ZNF510: variants seen among roughly 807,000 people sequenced by gnomAD.
ZNF510 encodes zinc finger protein 510.
In ZNF510, 15 loss-of-function variants were observed where a neutral mutation model predicts 18.1. The ratio of observed to expected loss-of-function variants is 0.83; its 90% CI spans 0.55 to 1.28. The LOEUF (loss-of-function observed/expected upper bound fraction) is 1.28. Among genes scored for constraint, ZNF510 ranks in the 50% most tolerant of loss-of-function variants. The pLI is 0.00. For synonymous variants in ZNF510, 261 were observed against 266.4 expected, an observed-to-expected ratio of 0.98 and a Z score of 0.20; for missense variants, 724 against 791.8, an observed-to-expected ratio of 0.91 and a Z score of 1.03.
At position 96,767,685 on chromosome 9, in the gene ZNF510, G is replaced by A. The variant is rs1451603835; in HGVS notation, c.130-4053C>T. ...ACCAAAATGGACTCAAAAAGAAACA[G>A]AACATCCGAACAGACTGATATAAGA... On this transcript the variant is annotated intron_variant, in intron 3 of 5. Transcript: ENST00000223428. Among the ~76,000 whole-genome samples the A allele has an allele frequency of 2.6e-5, 4 of 152,152 alleles. No homozygotes were observed. The East Asian group carries it at 7.7e-4, about 29-fold the overall frequency.
chr9:96,764,047 T>C (rs575636558), intron 3 of ZNF510, among the ~76,000 whole-genome samples: 10 of 152,312 alleles, frequency 6.6e-5, no homozygotes, highest in African/African-American at 2.4e-4. Context: ...CAATGAGCCA[T>C]GATCACACCA....
At chr9:96,774,932 G>A (rs373330602) in intron 2 of ZNF510, 86 bp from the exon 3 acceptor site, 1 of 1,152,166 alleles carries the variant, frequency 8.7e-7, no homozygotes, top group Admixed American at 2.0e-5. Flanking sequence ...TGGGGAAAAA[G>A]GCCTCTCTAC....
At chr9:96,775,045 CTGTG>C (rs1235752880) in intron 2 of ZNF510, among the ~76,000 whole-genome samples, 199 bp from the exon 3 acceptor site, 1 of 149,510 alleles carries the variant, frequency 6.7e-6, no homozygotes, top group East Asian at 2.0e-4. Flanking sequence ...TGAACCCTTG[CTGTG>C]TGTGTGTGTT....
rs372471127 is a variant in ZNF510, at chr9:96,770,388, G to A, written c.129+4400C>T. On this transcript the variant is annotated intron_variant, in intron 3 of 5. Coordinates refer to ENST00000223428, the MANE Select transcript of ZNF510 (RefSeq NM_014930.3). ...GCGGATCATCTGAGGTCAGGCGCTCGAGACCAGCCTGGCCAACATGGTGAC... is the reference window on the plus strand; with the variant it reads ...GCGGATCATCTGAGGTCAGGCGCTCAAGACCAGCCTGGCCAACATGGTGAC... Among the ~76,000 whole-genome samples the A allele has an allele frequency of 2.9e-4, 43 of 150,562 alleles. No individual in the cohort carries two copies. In the South Asian group the frequency reaches 5.9e-3, roughly 21 times the overall value.
At position 96,755,110 on chromosome 9, in the gene ZNF510, T is replaced by C. The variant is rs1198073900; in HGVS notation, c.*3668A>G. On this transcript the variant is annotated 3_prime_UTR_variant, in exon 6 of 6. Transcript: ENST00000223428. ...CCGCCCTCTGCTAAGGGACAGCAGGTGAAGCCTGAGTCCCCAGTCATGGGG... is the reference window on the plus strand; with the variant it reads ...CCGCCCTCTGCTAAGGGACAGCAGGCGAAGCCTGAGTCCCCAGTCATGGGG... 6.6e-6 allele frequency among the ~76,000 whole-genome samples: 1 copy of C among 152,208 alleles called. No homozygotes were observed. The highest frequency in any genetic ancestry group is 1.9e-4 in the East Asian group (1 of 5,182).
intron 3 of ZNF510, among the ~76,000 whole-genome samples, chr9:96,770,774 T>C (rs112978969): frequency 0.059 from 8,998 of 152,152 alleles, 867 homozygotes; most frequent in African/African-American, 0.2. Context: ...CTAAATGATA[T>C]GGAATTTCCT....
At chr9:96,775,307 G>A (rs1257296876) in intron 2 of ZNF510, among the ~76,000 whole-genome samples, 2 of 152,174 alleles carry the variant, frequency 1.3e-5, no homozygotes, top group South Asian at 2.1e-4. Flanking sequence ...CAATCTGCCC[G>A]CCTTGGCCTC....
intron 1 of ZNF510, among the ~76,000 whole-genome samples, chr9:96,776,736 G>GA (rs898183868): frequency 6.6e-6 from 1 of 152,162 alleles, no homozygotes; most frequent in Non-Finnish European, 1.5e-5. Context: ...AGTGAGCCAA[G>GA]ATCACACCAC....
chr9:96,760,367 CTT>C lies in ZNF510; in HGVS notation c.461_462del (p.Lys154SerfsTer34). 1 of 1,613,832 alleles carries C rather than the reference CTT, an allele frequency of 6.2e-7. No homozygotes were observed. Among genetic ancestry groups the C allele is most frequent in the Non-Finnish European group, 8.5e-7 (1 of 1,179,876 alleles). ...NNKTLTTEEE[K>X]VLGKPFTLHV... ...TGCAGAGTAAATGGTTTCCCCAAAA[CTT>C]TCTCTTCCTCTGTAGTCAATGTTTT... On this transcript the variant is annotated frameshift_variant, in exon 6 of 6. Transcript: ENST00000223428. LOFTEE classifies it low-confidence loss of function (END_TRUNC).
chr9:96,771,432 T>A (rs80322443), intron 3 of ZNF510, among the ~76,000 whole-genome samples: 8,515 of 141,522 alleles, frequency 0.06, 828 homozygotes, highest in African/African-American at 0.2. Context: ...CATGCATGAT[T>A]AAAAAAAAAA....
chr9:96,774,497 G>C (rs1237563549), intron 3 of ZNF510, among the ~76,000 whole-genome samples: 5 of 152,140 alleles, frequency 3.3e-5, no homozygotes, highest in African/African-American at 1.2e-4. Context: ...ATTCCATGAG[G>C]AATCAGCCTG....
Position 96,754,903 on chromosome 9 carries a change from A to G in ZNF510, c.*3875T>C, listed in dbSNP as rs192820322. Among the ~76,000 whole-genome samples the G allele has an allele frequency of 6.6e-6, 1 of 152,324 alleles. No homozygotes were observed. Among genetic ancestry groups the G allele is most frequent in the Non-Finnish European group, 1.5e-5 (1 of 68,016 alleles). Reference sequence around the variant, plus strand: ...TATCTTTATTAGCTTGAAGGCCCTTAGTGGGTGGGCAGACAGAAAATCAGC... The same window carrying G: ...TATCTTTATTAGCTTGAAGGCCCTTGGTGGGTGGGCAGACAGAAAATCAGC... On this transcript the variant is annotated 3_prime_UTR_variant, in exon 6 of 6. Coordinates refer to ENST00000223428, the MANE Select transcript of ZNF510 (RefSeq NM_014930.3).
chr9:96,755,548 T>C lies in ZNF510; in HGVS notation c.*3230A>G, dbSNP rs1472305244. 6.6e-6 allele frequency among the ~76,000 whole-genome samples: 1 copy of C among 152,164 alleles called. No individual in the cohort carries two copies. The highest frequency in any genetic ancestry group is 1.5e-5 in the Non-Finnish European group (1 of 68,032). Reference sequence around the variant, plus strand: ...GTTACAATGTAACTGGCCTATGATATTCTATTTCTTAAGTCCTAAGATGTA... The same window carrying C: ...GTTACAATGTAACTGGCCTATGATACTCTATTTCTTAAGTCCTAAGATGTA... On this transcript the variant is annotated 3_prime_UTR_variant, in exon 6 of 6. Transcript: ENST00000223428.
At chr9:96,777,323 G>GC (rs1849723164) in intron 1 of ZNF510, among the ~76,000 whole-genome samples, 1 of 152,190 alleles carries the variant, frequency 6.6e-6, no homozygotes, top group Non-Finnish European at 1.5e-5. Flanking sequence ...GGTTAGGTAG[G>GC]TAGGCCATTA....
rs1849205382 is a variant in ZNF510 at position 96,756,829 on chromosome 9, G to C, written c.*1949C>G. 1 of 152,202 alleles carries C rather than the reference G, an allele frequency of 6.6e-6. No homozygotes were observed. Among genetic ancestry groups the C allele is most frequent in the South Asian group, 2.1e-4 (1 of 4,830 alleles). 9.4% of individuals were successfully genotyped at this position (152,202 alleles called of 1,614,324 possible). On this transcript the variant is annotated 3_prime_UTR_variant, in exon 6 of 6. Transcript: ENST00000223428. The stretch of plus-strand genomic sequence containing the variant: ...CCCACAAAATCACCAGTCACAGAGA[G>C]AGACTTGAAGCCCAAAATGATCAGA...
chr9:96,768,858 G>C (rs1849529712), intron 3 of ZNF510, among the ~76,000 whole-genome samples: 1 of 151,968 alleles, frequency 6.6e-6, no homozygotes, highest in South Asian at 2.1e-4. Context: ...GAAATTGCAA[G>C]GGACCCTGAA....
chr9:96,758,723 T>C lies in ZNF510; in HGVS notation c.*55A>G, dbSNP rs567188000. 31 of 1,502,730 alleles carry C rather than the reference T, an allele frequency of 2.1e-5. No homozygotes were observed. Among genetic ancestry groups the C allele is most frequent in the African/African-American group, 2.8e-5 (2 of 71,602 alleles). The allele number at this position is 1,502,730 out of a possible 1,614,324, so 93.1% of individuals were successfully genotyped here. A position where few individuals can be genotyped will look rare whatever the true frequency, so the allele number is the denominator to read the frequency against. ...CTACCCTCAATTGGTTTTTTGTGTA[T>C]CTCTGATATCAAATGGGGTATTCCT... On this transcript the variant is annotated 3_prime_UTR_variant, in exon 6 of 6. Coordinates refer to ENST00000223428, the MANE Select transcript of ZNF510 (RefSeq NM_014930.3).
In ZNF510 at chr9:96,758,720, G is replaced by T; in HGVS notation, c.*58C>A. ...TCACTACCCTCAATTGGTTTTTTGT[G>T]TATCTCTGATATCAAATGGGGTATT... On this transcript the variant is annotated 3_prime_UTR_variant, in exon 6 of 6. Coordinates refer to ENST00000223428, the MANE Select transcript of ZNF510 (RefSeq NM_014930.3). The T allele has an allele frequency of 1.3e-6, 2 of 1,496,732 alleles. No homozygotes were observed. The highest frequency in any genetic ancestry group is 2.3e-5 in the East Asian group (1 of 43,854). The allele number at this position is 1,496,732 out of a possible 1,614,324, so 92.7% of individuals were successfully genotyped here.
intron 3 of ZNF510, among the ~76,000 whole-genome samples, chr9:96,766,253 G>A (rs762021428): frequency 3.3e-5 from 5 of 151,572 alleles, no homozygotes; most frequent in Non-Finnish European, 7.4e-5. Context: ...GTAACTCATA[G>A]AAAAGCAGAT....
Sources: gnomAD v4.1 joint callset for allele counts (sites outside exome capture counted in the v4.1 genomes callset) on GRCh38, gnomAD v4.1.1 for gene constraint, MANE v1.5 for transcripts, NCBI Gene and HGNC (gene_info 2026-07-23, HGNC 2026-07-21) for gene names.